Variants in PDE1A observed in about 807,000 individuals in gnomAD.
The protein encoded by PDE1A is dual specificity calcium/calmodulin-dependent 3',5'-cyclic nucleotide phosphodiesterase 1A.
A neutral mutation model predicts 61.7 loss-of-function variants in PDE1A; 35 were observed. The ratio of observed to expected loss-of-function variants is 0.57; its 90% CI spans 0.43 to 0.75. The LOEUF is 0.75. Among genes scored for constraint, PDE1A ranks in the 30% least tolerant of loss-of-function variants. PDE1A has a pLI of 0.00. For missense variants in PDE1A, 597 were observed against 630.6 expected (o/e 0.95, Z 0.57); for synonymous variants, 232 against 213.2 (o/e 1.09, Z -0.77).
chr2:182,517,712 C>T (rs368570278), intron 2 of PDE1A, among the ~76,000 whole-genome samples: 2 of 152,190 alleles, frequency 1.3e-5, no homozygotes, highest in Admixed American at 1.3e-4. Flanking sequence ...GCAATCTTTG[C>T]ACATTTTTAA....
rs542436793 is a variant in PDE1A at position 182,395,698 on chromosome 2, AGCAGATCCAATG to A, written c.53+30868_53+30879del. ...CTCTGCCACTTGGGCCATATGATCC[AGCAGATCCAATG>A]GTGCTTGAGGTGTCAGTGGCAGATA... On this transcript the variant is annotated intron_variant, in intron 1 of 13. Transcript: ENST00000351439. 9.7e-3 allele frequency among the ~76,000 whole-genome samples: 1,484 copies of A among 152,320 alleles called. 26 individuals are homozygous for A. The highest frequency in any genetic ancestry group is 0.034 in the African/African-American group (1,404 of 41,578).
At chr2:182,567,676 T>C in the PDE1A span, among the ~76,000 whole-genome samples, 1 of 152,216 alleles carries the variant, frequency 6.6e-6, no homozygotes, top group Admixed American at 6.5e-5. Context: ...AATATTCATT[T>C]TGATTTTTTT....
chr2:182,543,293 T>TTTGTATGA, the PDE1A span, among the ~76,000 whole-genome samples: 1 of 152,212 alleles, frequency 6.6e-6, no homozygotes, highest in Non-Finnish European at 1.5e-5. Flanking sequence ...AACATACAGA[T>TTTGTATGA]TTGTATGATT....
At chr2:182,705,161 A>G in the PDE1A span, among the ~76,000 whole-genome samples, 2 of 152,226 alleles carry the variant, frequency 1.3e-5, no homozygotes, top group Non-Finnish European at 2.9e-5. Context: ...AATCTCATGT[A>G]TGATAATTTT....
chr2:182,322,183 T>C (rs1021987594), intron 1 of PDE1A, among the ~76,000 whole-genome samples: 3 of 152,202 alleles, frequency 2.0e-5, no homozygotes, highest in Admixed American at 6.6e-5. Flanking sequence ...CAGGATTGAA[T>C]TCAATATTGT....
Position 182,302,291 on chromosome 2 carries a change from C to G in PDE1A, c.54-37877G>C, listed in dbSNP as rs184119449. ...GATTGCAATAGAAATAATACCCCTA[C>G]GAGAAACCCTCAATTATCGGCATGC... On this transcript the variant is annotated intron_variant, in intron 1 of 13. Transcript: ENST00000351439. Among the ~76,000 whole-genome samples, 570 of 152,278 alleles carry G rather than the reference C, an allele frequency of 3.7e-3. 1 individual carries two copies. Among genetic ancestry groups the G allele is most frequent in the Non-Finnish European group, 6.5e-3 (445 of 68,028 alleles).
intron 1 of PDE1A, among the ~76,000 whole-genome samples, chr2:182,307,719 A>C (rs1342956358): frequency 6.6e-6 from 1 of 152,116 alleles, no homozygotes; most frequent in Admixed American, 6.6e-5. Context: ...ACCAAAAAAA[A>C]ATGCTTTGCT....
At chr2:182,594,841 C>T in the PDE1A span, among the ~76,000 whole-genome samples, 1 of 152,142 alleles carries the variant, frequency 6.6e-6, no homozygotes, top group Non-Finnish European at 1.5e-5. Context: ...AACACTGGAC[C>T]AGGTCCTGAA....
At chr2:182,324,966 G>C (rs972672638) in intron 1 of PDE1A, among the ~76,000 whole-genome samples, 4 of 152,180 alleles carry the variant, frequency 2.6e-5, no homozygotes, top group African/African-American at 9.6e-5. Flanking sequence ...GCTCAGAAAG[G>C]TTCAATGATT....
rs181071880 is a variant in PDE1A, at chr2:182,499,045, C to T, written c.101+23231G>A. ...CTCTGTCACCCAGGCTGGAGTGCAA[C>T]GGTGCAATCTCAGCTCACTGCAACC... On this transcript the variant is annotated intron_variant, in intron 2 of 14. Transcript: ENST00000410103. 1.9e-4 allele frequency among the ~76,000 whole-genome samples: 28 copies of T among 145,814 alleles called. No homozygotes were observed. In the East Asian group the frequency reaches 4.1e-3, roughly 22 times the overall value.
At chr2:182,542,851 G>C in the PDE1A span, among the ~76,000 whole-genome samples, 2 of 152,254 alleles carry the variant, frequency 1.3e-5, no homozygotes, top group East Asian at 3.9e-4. Context: ...ATCTCTTAGG[G>C]GGAAATCACG....
downstream of PDE1A, among the ~76,000 whole-genome samples, chr2:182,143,791 A>G (rs1690350808): frequency 2.6e-5 from 4 of 152,198 alleles, no homozygotes; most frequent in South Asian, 8.3e-4. Context: ...CTGGGATTAC[A>G]GGCATGAGCC....
intron 13 of PDE1A, among the ~76,000 whole-genome samples, chr2:182,171,025 A>T (rs996161335): frequency 1.3e-5 from 2 of 152,026 alleles, no homozygotes; most frequent in African/African-American, 4.8e-5. Context: ...AGTGAAAAAC[A>T]CTTCTAGTTT....
intron 2 of PDE1A, among the ~76,000 whole-genome samples, chr2:182,441,952 T>C (rs1182734816): frequency 6.6e-6 from 1 of 152,084 alleles, no homozygotes; most frequent in Non-Finnish European, 1.5e-5. Flanking sequence ...GTCCTCCTAC[T>C]GGAAAACATC....
chr2:182,640,820 G>A, the PDE1A span, among the ~76,000 whole-genome samples: 2 of 151,982 alleles, frequency 1.3e-5, no homozygotes, highest in African/African-American at 4.8e-5. Context: ...AGGAGTTCAA[G>A]ACCAGACTGG....
the PDE1A span, among the ~76,000 whole-genome samples, chr2:182,689,844 G>A: frequency 6.6e-6 from 1 of 152,014 alleles, no homozygotes. Flanking sequence ...ATGATAAAGG[G>A]GATATCACCA....
chr2:182,195,732 C>A (rs1443034213), intron 10 of PDE1A, among the ~76,000 whole-genome samples: 3 of 152,000 alleles, frequency 2.0e-5, no homozygotes, highest in Non-Finnish European at 4.4e-5. Flanking sequence ...TTTTCACTGT[C>A]CGAGATGAAA....
the PDE1A span, among the ~76,000 whole-genome samples, chr2:182,574,134 C>T: frequency 6.6e-6 from 1 of 151,768 alleles, no homozygotes. Flanking sequence ...AGGAAGCATC[C>T]AGCACGGGAG....
rs183184517 is a variant in PDE1A at position 182,458,591 on chromosome 2, T to A, written c.101+63685A>T. 1.4e-4 allele frequency among the ~76,000 whole-genome samples: 22 copies of A among 152,188 alleles called. No individual in the cohort carries two copies. In the East Asian group the frequency reaches 4.3e-3, roughly 29 times the overall value. On this transcript the variant is annotated intron_variant, in intron 2 of 14. Coordinates refer to the PDE1A transcript ENST00000410103. Reference sequence around the variant, plus strand: ...CCCTAAAGCAAATAAAGAGGGTTCATTTGAGTGTAATCGAGAAAACTAAAG... The same window carrying A: ...CCCTAAAGCAAATAAAGAGGGTTCAATTGAGTGTAATCGAGAAAACTAAAG...
Sources: gnomAD v4.1 joint callset for allele counts (sites outside exome capture counted in the v4.1 genomes callset) on GRCh38, gnomAD v4.1.1 for gene constraint, MANE v1.5 for transcripts, NCBI Gene and HGNC (gene_info 2026-07-23, HGNC 2026-07-21) for gene names.